STK3: variants seen among roughly 807,000 people sequenced by gnomAD.
STK3 encodes serine/threonine kinase 3, also known as serine/threonine-protein kinase 3.
STK3 carries 41 observed loss-of-function variants against 58.0 expected under a neutral mutation model. The observed-to-expected ratio is 0.71, with a 90% confidence interval of 0.55 to 0.92. The LOEUF is 0.92. Among genes scored for constraint, STK3 ranks in the 40% least tolerant of loss-of-function variants. The pLI is 0.00. For missense variants in STK3, 479 were observed against 602.7 expected, an observed-to-expected ratio of 0.79 and a Z score of 2.15; for synonymous variants, 170 against 191.0, an observed-to-expected ratio of 0.89 and a Z score of 0.91.
intron 3 of STK3, among the ~76,000 whole-genome samples, chr8:98,832,255 A>AAATAT (rs1000505539): frequency 3.6e-5 from 5 of 138,868 alleles, no homozygotes; most frequent in African/African-American, 1.3e-4. Context: ...AAAAAAAAAA[A>AAATAT]ATATATATAT....
chr8:98,915,381 G>A (rs1050099170), intron 1 of STK3, among the ~76,000 whole-genome samples: 3 of 146,706 alleles, frequency 2.0e-5, no homozygotes, highest in Non-Finnish European at 3.0e-5. Flanking sequence ...GCCTGCAGAC[G>A]GCTTACTGTG....
intron 1 of STK3, among the ~76,000 whole-genome samples, chr8:98,825,045 T>C (rs891826382): frequency 4.6e-5 from 7 of 152,082 alleles, no homozygotes; most frequent in Non-Finnish European, 1.0e-4. Context: ...TAACAGTAAA[T>C]ACCATACCAA....
chr8:98,359,260 C>A, the STK3 span, among the ~76,000 whole-genome samples: 1 of 145,102 alleles, frequency 6.9e-6, no homozygotes. Context: ...GTAATCCCAA[C>A]ATTTTCGGAG....
chr8:98,447,775 T>G (rs1033713610), intron 1 of STK3, among the ~76,000 whole-genome samples: 2 of 148,590 alleles, frequency 1.3e-5, no homozygotes, highest in African/African-American at 4.9e-5. Flanking sequence ...ATATTATATA[T>G]ATGTTTGCTA....
At chr8:98,861,967 G>T (rs1202082339) in intron 3 of STK3, among the ~76,000 whole-genome samples, 1 of 152,130 alleles carries the variant, frequency 6.6e-6, no homozygotes. Flanking sequence ...GATTTAATTG[G>T]ATAATTTAAA....
intron 9 of STK3, among the ~76,000 whole-genome samples, chr8:98,545,333 T>A (rs184816705): frequency 6.6e-6 from 1 of 152,112 alleles, no homozygotes; most frequent in African/African-American, 2.4e-5. Context: ...GGACATTCCA[T>A]GGGGAATGAG....
chr8:98,395,466 A>G (rs1458645034), intron 3 of STK3, among the ~76,000 whole-genome samples: 1 of 152,258 alleles, frequency 6.6e-6, no homozygotes, highest in African/African-American at 2.4e-5. Flanking sequence ...TCTGCATAAC[A>G]TAAATGTTGA....
At chr8:98,780,524 T>A (rs1832020421) in intron 1 of STK3, among the ~76,000 whole-genome samples, 1 of 152,176 alleles carries the variant, frequency 6.6e-6, no homozygotes, top group Non-Finnish European at 1.5e-5. Flanking sequence ...ATAAACATTT[T>A]CATTTGGATT....
chr8:98,372,403 G>T (rs1051348814), intron 2 of STK3, among the ~76,000 whole-genome samples: 8 of 152,180 alleles, frequency 5.3e-5, no homozygotes, highest in Non-Finnish European at 1.0e-4. Flanking sequence ...CCAACAGCCA[G>T]GACGCCACAG....
chr8:98,427,890 C>A, intron 3 of STK3: 1 of 1,191,884 alleles, frequency 8.4e-7, no homozygotes, highest in Non-Finnish European at 1.2e-6. Context: ...GAGGGGGCCC[C>A]GCCAGGGCGC....
At chr8:98,475,809 C>T (rs1185851021) in intron 10 of STK3, among the ~76,000 whole-genome samples, 2 of 152,180 alleles carry the variant, frequency 1.3e-5, no homozygotes, top group Admixed American at 6.5e-5. Flanking sequence ...CATTCTTTTG[C>T]CAGACGCGAA....
chr8:98,749,845 G>GA (rs935762147), intron 3 of STK3, among the ~76,000 whole-genome samples: 1 of 151,478 alleles, frequency 6.6e-6, no homozygotes, highest in African/African-American at 2.4e-5. Flanking sequence ...AAATTCTAGA[G>GA]AAAAAAAATT....
chr8:98,655,214 G>T (rs1240407106), intron 6 of STK3, among the ~76,000 whole-genome samples: 1 of 152,174 alleles, frequency 6.6e-6, no homozygotes, highest in East Asian at 1.9e-4. Context: ...TGACAAACCT[G>T]ACAAAAACAA....
At chr8:98,600,594 G>A (rs1184986904) in intron 6 of STK3, among the ~76,000 whole-genome samples, 1 of 152,142 alleles carries the variant, frequency 6.6e-6, no homozygotes, top group Non-Finnish European at 1.5e-5. Context: ...GCTTCCATCA[G>A]ATTTCTGCTG....
At chr8:98,683,942 ATTAT>A (rs1299705634) in intron 6 of STK3, among the ~76,000 whole-genome samples, 1 of 152,178 alleles carries the variant, frequency 6.6e-6, no homozygotes, top group Non-Finnish European at 1.5e-5. Context: ...TCAAGGAGTT[ATTAT>A]TTTCATTTGA....
chr8:98,552,533 C>T (rs1586843598), intron 8 of STK3, among the ~76,000 whole-genome samples: 2 of 152,168 alleles, frequency 1.3e-5, no homozygotes, highest in African/African-American at 2.4e-5. Context: ...TCCTTTTGAG[C>T]CTTTAAATTG....
chr8:98,474,190 C>G (rs1223696873), intron 10 of STK3, among the ~76,000 whole-genome samples: 1 of 152,144 alleles, frequency 6.6e-6, no homozygotes, highest in Non-Finnish European at 1.5e-5. Context: ...TGTCATCTCC[C>G]CAGTCAAAGC....
intron 6 of STK3, among the ~76,000 whole-genome samples, chr8:98,703,899 C>A (rs188303912): frequency 2.6e-5 from 4 of 152,114 alleles, no homozygotes; most frequent in African/African-American, 9.7e-5. Context: ...CCTCACTATA[C>A]CCCCCACAAA....
intron 4 of STK3, among the ~76,000 whole-genome samples, chr8:98,736,406 T>C (rs1828600835): frequency 6.6e-6 from 1 of 152,144 alleles, no homozygotes. Context: ...CAGTTCTCAT[T>C]GTAACACTGA....
Sources: gnomAD v4.1 joint callset for allele counts (sites outside exome capture counted in the v4.1 genomes callset) on GRCh38, gnomAD v4.1.1 for gene constraint, MANE v1.5 for transcripts, NCBI Gene and HGNC (gene_info 2026-07-23, HGNC 2026-07-21) for gene names.